The following CNTNAP5 variants were observed in gnomAD, a reference collection of about 807,000 sequenced individuals.
CNTNAP5 encodes contactin-associated protein-like 5.
CNTNAP5 carries 72 observed loss-of-function variants against 150.2 expected under a neutral mutation model. The ratio of observed to expected loss-of-function variants is 0.48; its 90% CI spans 0.40 to 0.58. The LOEUF (loss-of-function observed/expected upper bound fraction) is 0.58. Ranked by LOEUF, CNTNAP5 falls within the 20% of genes least tolerant of loss-of-function variation. The pLI is 0.00. For synonymous variants in CNTNAP5, 672 were observed against 619.8 expected, an observed-to-expected ratio of 1.08 and a Z score of -1.25; for missense variants, 1,636 against 1,626.2, an observed-to-expected ratio of 1.01 and a Z score of -0.10.
rs547003922 is a variant in CNTNAP5, at chr2:124,840,482, G to A, written c.3218-24824G>A. 1.3e-4 allele frequency among the ~76,000 whole-genome samples: 20 copies of A among 152,196 alleles called. No individual in the cohort carries two copies. The South Asian group carries it at 4.1e-3, about 32-fold the overall frequency. Reference sequence around the variant, plus strand: ...CCATGAAAGCAGAGGCATTGGCTATGTAGTCTCAGAATCCAGCAAACGAAA... The same window carrying A: ...CCATGAAAGCAGAGGCATTGGCTATATAGTCTCAGAATCCAGCAAACGAAA... On this transcript the variant is annotated intron_variant, in intron 19 of 23. Transcript: ENST00000682447.
intron 5 of CNTNAP5, among the ~76,000 whole-genome samples, chr2:124,444,119 C>G (rs1692744883): frequency 1.3e-5 from 2 of 151,858 alleles, no homozygotes; most frequent in Non-Finnish European, 2.9e-5. Flanking sequence ...GTTCTTTGTT[C>G]TATCTCCGTC....
At chr2:124,543,117 G>A (rs573833515) in intron 10 of CNTNAP5, among the ~76,000 whole-genome samples, 1 of 152,290 alleles carries the variant, frequency 6.6e-6, no homozygotes, top group African/African-American at 2.4e-5. Flanking sequence ...CAACGCCAGA[G>A]CCAGCTGTCA....
At chr2:124,281,708 C>G (rs148087882) in intron 3 of CNTNAP5, among the ~76,000 whole-genome samples, 1 of 152,106 alleles carries the variant, frequency 6.6e-6, no homozygotes, top group South Asian at 2.1e-4. Context: ...GAGAAATGAG[C>G]TTTTGCTTGC....
At chr2:124,136,172 T>C (rs2104609326) in intron 1 of CNTNAP5, among the ~76,000 whole-genome samples, 1 of 152,324 alleles carries the variant, frequency 6.6e-6, no homozygotes, top group African/African-American at 2.4e-5. Flanking sequence ...CTCAAGGATA[T>C]AGTCTATGTC....
At chr2:124,136,285 G>A (rs1375068515) in intron 1 of CNTNAP5, among the ~76,000 whole-genome samples, 1 of 152,098 alleles carries the variant, frequency 6.6e-6, no homozygotes, top group African/African-American at 2.4e-5. Context: ...TGCAGCCATA[G>A]GGTAACAAAT....
chr2:124,137,972 T>C (rs971206953), intron 1 of CNTNAP5, among the ~76,000 whole-genome samples: 5 of 152,156 alleles, frequency 3.3e-5, no homozygotes, highest in African/African-American at 9.7e-5. Context: ...CAACTCAATT[T>C]TGTGGGATTT....
chr2:124,866,841 C>T (rs1230298409), intron 20 of CNTNAP5, among the ~76,000 whole-genome samples: 2 of 152,056 alleles, frequency 1.3e-5, no homozygotes, highest in African/African-American at 4.8e-5. Context: ...CCATTTTACA[C>T]TCTCTCCTCT....
At chr2:124,696,630 G>A (rs888207872) in intron 13 of CNTNAP5, among the ~76,000 whole-genome samples, 17 of 152,204 alleles carry the variant, frequency 1.1e-4, no homozygotes, top group Middle Eastern at 3.4e-3. Context: ...TATGGCCTTC[G>A]TCAAATAAAT....
At chr2:124,655,999 A>AAAAAAGG (rs1558722600) in intron 13 of CNTNAP5, among the ~76,000 whole-genome samples, 1 of 90,640 alleles carries the variant, frequency 1.1e-5, no homozygotes, top group South Asian at 3.9e-4. Flanking sequence ...AAGAAAGAAA[A>AAAAAAGG]AAGGAAGGAA....
intron 19 of CNTNAP5, among the ~76,000 whole-genome samples, chr2:124,817,277 G>T (rs1053592910): frequency 6.6e-6 from 1 of 152,112 alleles, no homozygotes; most frequent in African/African-American, 2.4e-5. Flanking sequence ...AATGCAAGGG[G>T]ATTTATACGG....
intron 4 of CNTNAP5, among the ~76,000 whole-genome samples, chr2:124,424,885 GAA>G (rs1328405352): frequency 1.3e-5 from 2 of 151,948 alleles, no homozygotes; most frequent in African/African-American, 4.8e-5. Flanking sequence ...TTGCAAAGGA[GAA>G]AAAAAATACA....
chr2:124,739,569 A>T (rs1680456386), intron 13 of CNTNAP5, among the ~76,000 whole-genome samples: 1 of 152,076 alleles, frequency 6.6e-6, no homozygotes, highest in South Asian at 2.1e-4. Context: ...TTTATTTTTT[A>T]AGCCCCCAGC....
At chr2:124,877,902 C>A (rs915227881) in intron 21 of CNTNAP5, among the ~76,000 whole-genome samples, 5 of 152,086 alleles carry the variant, frequency 3.3e-5, no homozygotes, top group African/African-American at 1.2e-4. Context: ...TAAACTCGTT[C>A]CTTATGCTAA....
intron 1 of CNTNAP5, among the ~76,000 whole-genome samples, chr2:124,084,292 C>T (rs1349551289): frequency 1.3e-5 from 2 of 150,578 alleles, no homozygotes; most frequent in African/African-American, 4.9e-5. Flanking sequence ...TTCCTCACAG[C>T]GTCTCGCTTT....
intron 22 of CNTNAP5, among the ~76,000 whole-genome samples, chr2:124,909,760 G>A (rs1180207607): frequency 9.8e-5 from 13 of 132,340 alleles, no homozygotes; most frequent in African/African-American, 3.2e-4. Context: ...CTCTTTATCT[G>A]CCCGCTCTCT....
intron 13 of CNTNAP5, among the ~76,000 whole-genome samples, chr2:124,740,991 A>G (rs1419752589): frequency 6.6e-6 from 1 of 152,152 alleles, no homozygotes; most frequent in Non-Finnish European, 1.5e-5. Flanking sequence ...CAAGCCTCAC[A>G]TCAAGTGGGG....
intron 19 of CNTNAP5, among the ~76,000 whole-genome samples, chr2:124,830,051 G>C (rs1482838): frequency 0.26 from 39,924 of 151,342 alleles, 7,958 homozygotes; most frequent in African/African-American, 0.56. Context: ...TATTTTATGT[G>C]ATTTATAGCA....
At chr2:124,869,176 A>T (rs1443793964) in intron 20 of CNTNAP5, among the ~76,000 whole-genome samples, 1 of 152,152 alleles carries the variant, frequency 6.6e-6, no homozygotes, top group Non-Finnish European at 1.5e-5. Flanking sequence ...GTTTTGTCAG[A>T]CTGCAATCCT....
intron 3 of CNTNAP5, among the ~76,000 whole-genome samples, chr2:124,390,494 C>T (rs1167618041): frequency 6.6e-6 from 1 of 152,156 alleles, no homozygotes; most frequent in Non-Finnish European, 1.5e-5. Context: ...TGAGAAATAA[C>T]ACCACGAGGA....
Sources: gnomAD v4.1 joint callset for allele counts (sites outside exome capture counted in the v4.1 genomes callset) on GRCh38, gnomAD v4.1.1 for gene constraint, MANE v1.5 for transcripts, NCBI Gene and HGNC (gene_info 2026-07-23, HGNC 2026-07-21) for gene names.